The following SEPTIN6 variants were observed in gnomAD, a reference collection of about 807,000 sequenced individuals.
The protein encoded by SEPTIN6 is septin-6.
In SEPTIN6, 8 loss-of-function variants were observed where a neutral mutation model predicts 33.6. The observed-to-expected ratio is 0.24, with a 90% CI of 0.14 to 0.43. The LOEUF is 0.43. Ranked by LOEUF, SEPTIN6 falls within the 20% of genes least tolerant of loss-of-function variation. The pLI is 1.00. For missense variants in SEPTIN6, 250 were observed against 340.8 expected (o/e 0.73, Z 2.10); for synonymous variants, 131 against 140.0 (o/e 0.94, Z 0.45).
At chrX:119,644,019 C>G (rs1412119438) in intron 5 of SEPTIN6, among the ~76,000 whole-genome samples, 1 of 111,707 alleles carries the variant, frequency 9.0e-6, no homozygotes, top group Non-Finnish European at 1.9e-5. Flanking sequence ...CCCGCACCAC[C>G]ACGGACCATA....
chrX:119,654,151 C>G (rs778554443), intron 3 of SEPTIN6, among the ~76,000 whole-genome samples: 128 of 111,348 alleles, frequency 1.1e-3, no homozygotes, highest in Non-Finnish European at 2.2e-3. Context: ...CACACATGGA[C>G]ACAGGCCCGC....
intron 1 of SEPTIN6, among the ~76,000 whole-genome samples, chrX:119,689,766 T>G (rs2055128982): frequency 9.1e-6 from 1 of 110,026 alleles, no homozygotes; most frequent in Admixed American, 9.7e-5. Flanking sequence ...AGTCTCGCTC[T>G]GTTGCCCAGG....
At position 119,618,220 on chromosome X, in the gene SEPTIN6, C is replaced by A; in HGVS notation, c.*1873G>T. On this transcript the variant is annotated 3_prime_UTR_variant, in exon 11 of 11. Coordinates refer to ENST00000394610, the MANE Select transcript of SEPTIN6 (RefSeq NM_145799.4). ...TTGTTTCTACCTCCAAGCATATGGT[C>A]TTCAAAAAAATACTCCACTGTAACT... 1 of 757,775 alleles carries A rather than the reference C, an allele frequency of 1.3e-6. No individual in the cohort carries two copies. Among genetic ancestry groups the A allele is most frequent in the Non-Finnish European group, 1.6e-6 (1 of 644,093 alleles). The allele number at this position is 757,775 out of a possible 1,213,427, so 62.4% of individuals were successfully genotyped here. A position where few individuals can be genotyped will look rare whatever the true frequency, so the allele number is the denominator to read the frequency against.
At position 119,618,639 on chromosome X, in the gene SEPTIN6, G is replaced by C; in HGVS notation, c.*1454C>G. 8.8e-7 allele frequency: 1 copy of C among 1,130,711 alleles called. No homozygotes were observed. The highest frequency in any genetic ancestry group is 2.4e-5 in the South Asian group (1 of 42,544). 93.2% of individuals were successfully genotyped at this position (1,130,711 alleles called of 1,213,427 possible). A position where few individuals can be genotyped will look rare whatever the true frequency, so the allele number is the denominator to read the frequency against. Reference sequence around the variant, plus strand: ...CTCAAAAAGAAGAAGTGAGCTTGAAGTACATGGCAGGATAGGGGTGGGGGG... The same window carrying C: ...CTCAAAAAGAAGAAGTGAGCTTGAACTACATGGCAGGATAGGGGTGGGGGG... On this transcript the variant is annotated 3_prime_UTR_variant, in exon 11 of 11. Coordinates refer to ENST00000394610, the MANE Select transcript of SEPTIN6 (RefSeq NM_145799.4).
chrX:119,691,870 A>G (rs1252555273), intron 1 of SEPTIN6, among the ~76,000 whole-genome samples: 2 of 111,501 alleles, frequency 1.8e-5, no homozygotes, highest in Non-Finnish European at 3.8e-5. Context: ...ATGTGGTGTC[A>G]TGGGATTTGA....
rs2054319138 is a variant in SEPTIN6 at position 119,649,507 on chromosome X, A to G, written c.690+430T>C. Among the ~76,000 whole-genome samples, 3 of 103,853 alleles carry G rather than the reference A, an allele frequency of 2.9e-5. No individual in the cohort carries two copies. In the South Asian group the frequency reaches 1.3e-3, roughly 44 times the overall value. 90.2% of individuals were successfully genotyped at this position (103,853 alleles called of 115,157 possible). On this transcript the variant is annotated intron_variant, in intron 5 of 10. Coordinates refer to ENST00000394610, the MANE Select transcript of SEPTIN6 (RefSeq NM_145799.4). ...TGTCTTAAAAAAAAAAAAAAAAAGT[A>G]AAAGAAAAAAAGAGTTGACTACACT...
At chrX:119,639,126 C>T in intron 6 of SEPTIN6, among the ~76,000 whole-genome samples, 1 of 112,353 alleles carries the variant, frequency 8.9e-6, no homozygotes, top group Non-Finnish European at 1.9e-5. Flanking sequence ...GCTCTGATAA[C>T]CAGTCTTGTC....
intron 5 of SEPTIN6, among the ~76,000 whole-genome samples, chrX:119,647,961 A>AT (rs199881052): frequency 4.8e-5 from 5 of 103,737 alleles, no homozygotes; most frequent in African/African-American, 1.9e-4. Context: ...CCACTAGTTA[A>AT]TTTTTTTTAA....
In SEPTIN6 at chrX:119,621,772, G is replaced by A. The variant is rs746477556; in HGVS notation, c.*42-1721C>T. On this transcript the variant is annotated intron_variant, in intron 10 of 10. Coordinates refer to ENST00000394610, the MANE Select transcript of SEPTIN6 (RefSeq NM_145799.4). The stretch of plus-strand genomic sequence containing the variant: ...CTTCCAAAGTGCTGGGATTACAGGC[G>A]TGAGCCATCATGCCCAGCCAACTCT... 7.8e-5 allele frequency among the ~76,000 whole-genome samples: 8 copies of A among 103,040 alleles called. No individual in the cohort carries two copies. The East Asian group carries it at 1.8e-3, about 24-fold the overall frequency. 89.5% of individuals were successfully genotyped at this position (103,040 alleles called of 115,157 possible).
At position 119,619,452 on chromosome X, in the gene SEPTIN6, G is replaced by C; in HGVS notation, c.*641C>G. The C allele has an allele frequency of 2.5e-6, 2 of 815,009 alleles. No homozygotes were observed. Among genetic ancestry groups the C allele is most frequent in the Non-Finnish European group, 3.0e-6 (2 of 676,783 alleles). The allele number at this position is 815,009 out of a possible 1,213,427, so 67.2% of individuals were successfully genotyped here. On this transcript the variant is annotated 3_prime_UTR_variant, in exon 11 of 11. Transcript: ENST00000394610. The stretch of plus-strand genomic sequence containing the variant: ...AGGGCTTGGTGTAAATAAATGCGTT[G>C]CCGATTTTGAGCACAGCTTGAGTGC...
At chrX:119,664,605 A>G (rs768959683) in intron 2 of SEPTIN6, among the ~76,000 whole-genome samples, 2 of 109,846 alleles carry the variant, frequency 1.8e-5, no homozygotes, top group South Asian at 7.8e-4. Flanking sequence ...AAGCAGGCAG[A>G]TCACTTGAGG....
chrX:119,649,924 T>C lies in SEPTIN6; in HGVS notation c.690+13A>G. On this transcript the variant is annotated intron_variant, in intron 5 of 10. Transcript: ENST00000394610. ...CATAAAAAGCAAATGGTCAGGAAAT[T>C]GCTCCCACTCACGTTCATGGTTCCA... 8.3e-7 allele frequency: 1 copy of C among 1,202,470 alleles called. No individual in the cohort carries two copies. Among genetic ancestry groups the C allele is most frequent in the South Asian group, 1.8e-5 (1 of 56,569 alleles).
chrX:119,679,750 C>G (rs1455306063), intron 1 of SEPTIN6, among the ~76,000 whole-genome samples: 1 of 111,626 alleles, frequency 9.0e-6, no homozygotes, highest in Non-Finnish European at 1.9e-5. Context: ...CCCAGCCACT[C>G]AGGAGGCTGA....
At chrX:119,646,304 G>C (rs2054256333) in intron 5 of SEPTIN6, among the ~76,000 whole-genome samples, 1 of 111,422 alleles carries the variant, frequency 9.0e-6, no homozygotes, top group Admixed American at 9.6e-5. Context: ...TGACCCTACT[G>C]TTCAGCCATG....
chrX:119,678,452 T>A (rs4061712), intron 1 of SEPTIN6, among the ~76,000 whole-genome samples: 9 of 106,421 alleles, frequency 8.5e-5, no homozygotes, highest in African/African-American at 2.8e-4. Flanking sequence ...CCTGGGAGGC[T>A]GAGCTTGCAG....
At chrX:119,690,080 G>A (rs181143642) in intron 1 of SEPTIN6, among the ~76,000 whole-genome samples, 3 of 111,396 alleles carry the variant, frequency 2.7e-5, no homozygotes, top group Non-Finnish European at 3.8e-5. Context: ...CAGTTGACAA[G>A]GGCTAACCAT....
chrX:119,617,195 T>C lies in SEPTIN6; in HGVS notation c.*2898A>G. On this transcript the variant is annotated 3_prime_UTR_variant, in exon 11 of 11. Transcript: ENST00000394610. The stretch of plus-strand genomic sequence containing the variant: ...CTGGGAAAATAAAAGCACAGACCAT[T>C]TCTAATGACTGGTTTTGTTTCACCA... The C allele has an allele frequency of 1.2e-6, 1 of 810,854 alleles. No individual in the cohort carries two copies. Among genetic ancestry groups the C allele is most frequent in the Non-Finnish European group, 1.5e-6 (1 of 674,939 alleles). The allele number at this position is 810,854 out of a possible 1,213,427, so 66.8% of individuals were successfully genotyped here.
intron 1 of SEPTIN6, among the ~76,000 whole-genome samples, chrX:119,676,481 C>A (rs1448802973): frequency 4.0e-5 from 4 of 99,081 alleles, no homozygotes; most frequent in Non-Finnish European, 6.0e-5. Context: ...AAAAAAAAAT[C>A]AATTATTGGC....
intron 3 of SEPTIN6, among the ~76,000 whole-genome samples, chrX:119,660,778 C>T (rs1484300791): frequency 2.0e-5 from 2 of 100,480 alleles, no homozygotes; most frequent in Non-Finnish European, 3.9e-5. Context: ...CCTGTAATCC[C>T]AGCAATTTAG....
Sources: gnomAD v4.1 joint callset for allele counts (sites outside exome capture counted in the v4.1 genomes callset) on GRCh38, gnomAD v4.1.1 for gene constraint, MANE v1.5 for transcripts, NCBI Gene and HGNC (gene_info 2026-07-23, HGNC 2026-07-21) for gene names.